CACNA2D3: variants seen among roughly 807,000 people sequenced by gnomAD.
The protein encoded by CACNA2D3 is voltage-dependent calcium channel subunit alpha-2/delta-3.
A neutral mutation model predicts 160.6 loss-of-function variants in CACNA2D3; 60 were observed. The observed-to-expected ratio is 0.37, with a 90% CI of 0.30 to 0.46. The LOEUF is 0.46. Among genes scored for constraint, CACNA2D3 ranks in the 20% least tolerant of loss-of-function variants. CACNA2D3 has a pLI of 1.00. For missense variants in CACNA2D3, 1,205 were observed against 1,365.0 expected, an observed-to-expected ratio of 0.88 and a Z score of 1.85; for synonymous variants, 558 against 492.9, an observed-to-expected ratio of 1.13 and a Z score of -1.75.
At chr3:54,510,846 T>C (rs1701447959) in intron 5 of CACNA2D3, among the ~76,000 whole-genome samples, 1 of 152,166 alleles carries the variant, frequency 6.6e-6, no homozygotes, top group African/African-American at 2.4e-5. Context: ...TTGATACACA[T>C]TGATTCCTCA....
chr3:54,809,569 C>A (rs891627734), intron 13 of CACNA2D3, among the ~76,000 whole-genome samples: 2 of 143,864 alleles, frequency 1.4e-5, no homozygotes, highest in East Asian at 3.9e-4. Flanking sequence ...CCACCCGCCT[C>A]GGCCTCCCAA....
intron 9 of CACNA2D3, among the ~76,000 whole-genome samples, chr3:54,627,173 C>A (rs1263081298): frequency 6.6e-6 from 1 of 152,126 alleles, no homozygotes; most frequent in African/African-American, 2.4e-5. Context: ...AGAGTAATGC[C>A]GTATCTTAAG....
At chr3:54,181,718 C>T (rs1292809340) in intron 2 of CACNA2D3, among the ~76,000 whole-genome samples, 1 of 152,110 alleles carries the variant, frequency 6.6e-6, no homozygotes, top group Non-Finnish European at 1.5e-5. Context: ...ACTTTTTAAA[C>T]AATTCTTGCG....
intron 35 of CACNA2D3, among the ~76,000 whole-genome samples, chr3:55,072,135 G>A (rs34032746): frequency 3.3e-5 from 5 of 152,194 alleles, no homozygotes; most frequent in African/African-American, 1.2e-4. Flanking sequence ...TTTTTCTGAG[G>A]CCAGATATAG....
At chr3:54,388,440 T>C (rs149277134) in intron 4 of CACNA2D3, among the ~76,000 whole-genome samples, 36 of 152,276 alleles carry the variant, frequency 2.4e-4, no homozygotes, top group Non-Finnish European at 4.9e-4. Context: ...ACAAAAAATA[T>C]CAAGTCCATC....
chr3:54,600,529 C>G (rs955011959), intron 9 of CACNA2D3, among the ~76,000 whole-genome samples: 4 of 152,078 alleles, frequency 2.6e-5, no homozygotes, highest in Non-Finnish European at 4.4e-5. Flanking sequence ...ATCAGTATGC[C>G]CCGGTTGGAG....
intron 13 of CACNA2D3, among the ~76,000 whole-genome samples, chr3:54,765,228 CAG>C (rs1406319081): frequency 6.6e-6 from 1 of 152,118 alleles, no homozygotes; most frequent in African/African-American, 2.4e-5. Flanking sequence ...CAGGCAAACT[CAG>C]GGCAGGAAAA....
intron 5 of CACNA2D3, among the ~76,000 whole-genome samples, chr3:54,542,279 C>T (rs1472212665): frequency 1.3e-5 from 2 of 152,062 alleles, no homozygotes; most frequent in African/African-American, 4.8e-5. Flanking sequence ...CCAGGATGGT[C>T]TCAATCTTCT....
At chr3:54,236,689 A>T (rs1231681539) in intron 2 of CACNA2D3, among the ~76,000 whole-genome samples, 1 of 152,160 alleles carries the variant, frequency 6.6e-6, no homozygotes, top group East Asian at 1.9e-4. Context: ...AAATAATGCA[A>T]AGCTCGTTTG....
chr3:54,429,634 G>A (rs1348715656), intron 4 of CACNA2D3, among the ~76,000 whole-genome samples: 1 of 152,090 alleles, frequency 6.6e-6, no homozygotes, highest in Non-Finnish European at 1.5e-5. Flanking sequence ...ATATCATGAT[G>A]GTGCTCTGTA....
At chr3:54,536,216 A>C (rs1248464757) in intron 5 of CACNA2D3, among the ~76,000 whole-genome samples, 1 of 152,200 alleles carries the variant, frequency 6.6e-6, no homozygotes, top group Non-Finnish European at 1.5e-5. Context: ...CGCATACACG[A>C]AACAGGTCAT....
chr3:54,805,344 A>G (rs1287665090), intron 13 of CACNA2D3, among the ~76,000 whole-genome samples: 3 of 152,334 alleles, frequency 2.0e-5, no homozygotes, highest in East Asian at 3.9e-4. Flanking sequence ...AATCAAATAG[A>G]CGCAATAAAA....
intron 2 of CACNA2D3, among the ~76,000 whole-genome samples, chr3:54,293,545 T>C (rs1340109111): frequency 6.9e-6 from 1 of 145,360 alleles, no homozygotes; most frequent in Non-Finnish European, 1.5e-5. Context: ...TTCCTTTTCA[T>C]GACTGAGTAA....
intron 17 of CACNA2D3, among the ~76,000 whole-genome samples, chr3:54,869,578 A>G (rs1036634137): frequency 6.6e-6 from 1 of 152,186 alleles, no homozygotes; most frequent in Non-Finnish European, 1.5e-5. Flanking sequence ...AGAAATTACG[A>G]AAGTTCTGCA....
intron 11 of CACNA2D3, among the ~76,000 whole-genome samples, chr3:54,659,971 G>A (rs984943182): frequency 1.3e-5 from 2 of 152,068 alleles, no homozygotes; most frequent in Non-Finnish European, 2.9e-5. Flanking sequence ...CAACTGCTTT[G>A]TGTATTTAAT....
At chr3:54,179,200 A>G (rs1334148836) in intron 2 of CACNA2D3, among the ~76,000 whole-genome samples, 1 of 152,156 alleles carries the variant, frequency 6.6e-6, no homozygotes, top group Non-Finnish European at 1.5e-5. Flanking sequence ...CCATGAAAGA[A>G]TCTTCTTTGC....
At chr3:54,892,161 T>A (rs1394591971) in intron 25 of CACNA2D3, among the ~76,000 whole-genome samples, 3 of 152,216 alleles carry the variant, frequency 2.0e-5, no homozygotes, top group Non-Finnish European at 4.4e-5. Flanking sequence ...TTTTTTCTAT[T>A]TCTTTTCTCT....
chr3:54,930,480 A>G (rs549125068), intron 27 of CACNA2D3, among the ~76,000 whole-genome samples: 2 of 152,342 alleles, frequency 1.3e-5, no homozygotes, highest in African/African-American at 2.4e-5. Context: ...AGCTGTGTCT[A>G]TAAGGCCCAG....
chr3:54,401,870 G>T (rs1291942890), intron 4 of CACNA2D3, among the ~76,000 whole-genome samples: 1 of 152,142 alleles, frequency 6.6e-6, no homozygotes, highest in Non-Finnish European at 1.5e-5. Context: ...ATGATACTCT[G>T]TAAATCGTAT....
Sources: allele counts gnomAD v4.1 joint callset (sites outside exome capture counted in the v4.1 genomes callset), GRCh38; gene constraint gnomAD v4.1.1; transcripts MANE v1.5; gene names NCBI Gene and HGNC (gene_info 2026-07-23, HGNC 2026-07-21).